The following ESS2 variants were observed in gnomAD, a reference collection of about 807,000 sequenced individuals.
ESS2 encodes ess-2 spliceosome associated protein, also known as splicing factor ESS-2 homolog.
ESS2 carries 31 observed loss-of-function variants against 52.0 expected under a neutral mutation model. That is an observed-to-expected ratio of 0.60 (90% confidence interval 0.45 to 0.81). The LOEUF (loss-of-function observed/expected upper bound fraction) is 0.81, where lower values mean the gene tolerates loss of function less well. ESS2 is among the 30% of genes least tolerant of loss of function. ESS2 has a pLI of 0.00. For missense variants in ESS2, 602 were observed against 637.2 expected (o/e 0.94, Z 0.59); for synonymous variants, 285 against 259.2 (o/e 1.10, Z -0.95).
At position 19,134,366 on chromosome 22, in the gene ESS2, A is replaced by G; in HGVS notation, c.1261T>C (p.Ser421Pro). The change falls in exon 10 of 10, where the codon TCC becomes CCC. Residue 421 changes from serine to proline, a missense_variant. Transcript: ENST00000252137. Reference protein sequence around the residue: ...DRALRASYTPSPARSTHLKTP... With the variant: ...DRALRASYTPPPARSTHLKTP... ...TTGAGGTGGGTGGAGCGTGCTGGGG[A>G]TGGTGTGTAGCTGGCCCGCAGGGCC... is the stretch of plus-strand genomic sequence containing the variant. 6.2e-7 allele frequency: 1 copy of G among 1,611,476 alleles called. No homozygotes were observed. Among genetic ancestry groups the G allele is most frequent in the Non-Finnish European group, 8.5e-7 (1 of 1,179,112 alleles).
In ESS2 at chr22:19,130,503, C is replaced by A; in HGVS notation, c.*3693G>T. On this transcript the variant is annotated 3_prime_UTR_variant, in exon 10 of 10. Coordinates refer to ENST00000252137, the MANE Select transcript of ESS2 (RefSeq NM_022719.3). ...CTTGCTAAGTCCGATTAAAAGGGGC[C>A]CAGTGCCTTCAAGGCCTGTCTACTG... The A allele has an allele frequency of 2.8e-6, 1 of 351,364 alleles. No homozygotes were observed. The highest frequency in any genetic ancestry group is 5.4e-6 in the Non-Finnish European group (1 of 186,150). 21.8% of individuals were successfully genotyped at this position (351,364 alleles called of 1,614,324 possible).
chr22:19,142,761 G>A lies in ESS2; in HGVS notation c.269C>T (p.Ala90Val). 6.2e-7 allele frequency: 1 copy of A among 1,614,146 alleles called. No individual in the cohort carries two copies. The highest frequency in any genetic ancestry group is 8.5e-7 in the Non-Finnish European group (1 of 1,180,028). The change falls in exon 2 of 10, where the codon GCC (alanine) becomes GTC (valine). Residue 90 changes from alanine to valine, a missense_variant. By Grantham distance (64) the Ala-to-Val change is moderately conservative. Coordinates refer to ENST00000252137, the MANE Select transcript of ESS2 (RefSeq NM_022719.3). ...GGGCTCCCGGGACATCTTGCCCAAG[G>A]CAGAGCCAAACTTGATGGCAATCTG... ...MRQIAIKFGSALGKMSREPPP... is the reference protein window; with the variant it reads ...MRQIAIKFGSVLGKMSREPPP...
chr22:19,140,432 G>A (rs2083665738), intron 3 of ESS2, among the ~76,000 whole-genome samples: 1 of 152,138 alleles, frequency 6.6e-6, no homozygotes, highest in East Asian at 1.9e-4. Context: ...CACTCCCTAG[G>A]ATTTCCTTAC....
rs1019543617 is a variant in ESS2 at position 19,130,603 on chromosome 22, G to T, written c.*3593C>A. 2.5e-6 allele frequency: 1 copy of T among 395,216 alleles called. No individual in the cohort carries two copies. The highest frequency in any genetic ancestry group is 2.0e-5 in the South Asian group (1 of 48,892). 24.5% of individuals were successfully genotyped at this position (395,216 alleles called of 1,614,324 possible). On this transcript the variant is annotated 3_prime_UTR_variant, in exon 10 of 10. Coordinates refer to ENST00000252137, the MANE Select transcript of ESS2 (RefSeq NM_022719.3). ...GAGAGCTGCCTTAGACTATCCAATT[G>T]ATCTATTCAAACAGCTGCCTGTTCC...
Position 19,142,600 on chromosome 22 carries a change from ACCT to A in ESS2, c.335_337del (p.Glu112del). ...GCCCACCACTCCAGTGCCTGCATGC[ACCT>A]CAGGGGTTTCAAATGTGGCTGGAGT... On this transcript the variant is annotated inframe_deletion, in exon 3 of 10. Transcript: ENST00000252137. The A allele has an allele frequency of 6.2e-7, 1 of 1,613,572 alleles. No individual in the cohort carries two copies. Among genetic ancestry groups the A allele is most frequent in the Non-Finnish European group, 8.5e-7 (1 of 1,179,804 alleles).
rs764514103 is a variant in ESS2 at position 19,132,218 on chromosome 22, GC to G, written c.*1977del. The G allele has an allele frequency of 1.9e-6, 3 of 1,612,238 alleles. No homozygotes were observed. The East Asian group carries it at 6.7e-5, about 36-fold the overall frequency. On this transcript the variant is annotated 3_prime_UTR_variant, in exon 10 of 10. Coordinates refer to ENST00000252137, the MANE Select transcript of ESS2 (RefSeq NM_022719.3). This position sits in a 1 kb window ranked among gnomAD's most constrained non-coding sequence, Gnocchi z 4.2. ...AGATCCTCAGCCACTCGTGGCTGCA[GC>G]CCCCCAAGCCCAAAGCCACGTCTTC... is the stretch of plus-strand genomic sequence containing the variant.
intron 3 of ESS2, among the ~76,000 whole-genome samples, 190 bp from the exon 4 acceptor site, chr22:19,140,214 C>T (rs772611061): frequency 2.0e-5 from 3 of 152,202 alleles, no homozygotes; most frequent in Non-Finnish European, 4.4e-5. Flanking sequence ...ACCCTGACTG[C>T]CCAGAGAGCC....
chr22:19,133,816 C>G lies in ESS2; in HGVS notation c.*380G>C, dbSNP rs2083533646. 5.0e-6 allele frequency: 1 copy of G among 199,750 alleles called. No homozygotes were observed. Among genetic ancestry groups the G allele is most frequent in the Non-Finnish European group, 1.0e-5 (1 of 100,200 alleles). 12.4% of individuals were successfully genotyped at this position (199,750 alleles called of 1,614,324 possible). ...CCCGGTGCTCCCACAGCCGCCCCAC[C>G]TGCAGCTTCCTCACCTGGGGGGCCC... On this transcript the variant is annotated 3_prime_UTR_variant, in exon 10 of 10. Coordinates refer to ENST00000252137, the MANE Select transcript of ESS2 (RefSeq NM_022719.3).
chr22:19,143,046 A>C lies in ESS2; in HGVS notation c.136-152T>G, dbSNP rs949962758. The stretch of plus-strand genomic sequence containing the variant: ...ATGGTGAAACCCAGTCTCTACTAGA[A>C]ATACAAAAATTAGCCGGGCGTGGTG... On this transcript the variant is annotated intron_variant, in intron 1 of 9. Coordinates refer to ENST00000252137, the MANE Select transcript of ESS2 (RefSeq NM_022719.3). 50 of 743,436 alleles carry C rather than the reference A, an allele frequency of 6.7e-5. No individual in the cohort carries two copies. In the African/African-American group the frequency reaches 8.3e-4, roughly 12 times the overall value. The allele number at this position is 743,436 out of a possible 1,614,324, so 46.1% of individuals were successfully genotyped here. A position where few individuals can be genotyped will look rare whatever the true frequency, so the allele number is the denominator to read the frequency against.
Position 19,131,111 on chromosome 22 carries a change from A to T in ESS2, c.*3085T>A, listed in dbSNP as rs542071054. Reference sequence around the variant, plus strand: ...GCCACCAGAGTCCTGTCCTGGGGACAGGCTTCCTTCCAGCGGGCGGGGAGT... The same window carrying T: ...GCCACCAGAGTCCTGTCCTGGGGACTGGCTTCCTTCCAGCGGGCGGGGAGT... On this transcript the variant is annotated 3_prime_UTR_variant, in exon 10 of 10. Transcript: ENST00000252137. This position sits in a 1 kb window ranked among gnomAD's most constrained non-coding sequence, Gnocchi z 5.7. 2.5e-6 allele frequency: 1 copy of T among 393,554 alleles called. No homozygotes were observed. The highest frequency in any genetic ancestry group is 4.6e-6 in the Non-Finnish European group (1 of 216,198). The allele number at this position is 393,554 out of a possible 1,614,324, so 24.4% of individuals were successfully genotyped here.
Position 19,130,525 on chromosome 22 carries a change from A to C in ESS2, c.*3671T>G, listed in dbSNP as rs1202654320. 4.9e-6 allele frequency: 2 copies of C among 404,930 alleles called. No homozygotes were observed. The highest frequency in any genetic ancestry group is 1.5e-4 in the East Asian group (2 of 13,616). 25.1% of individuals were successfully genotyped at this position (404,930 alleles called of 1,614,324 possible). A position where few individuals can be genotyped will look rare whatever the true frequency, so the allele number is the denominator to read the frequency against. On this transcript the variant is annotated 3_prime_UTR_variant, in exon 10 of 10. Coordinates refer to ENST00000252137, the MANE Select transcript of ESS2 (RefSeq NM_022719.3). ...GGCCCAGTGCCTTCAAGGCCTGTCTACTGTGGTACCGGAGTGATTATTTCG... is the reference window on the plus strand; with the variant it reads ...GGCCCAGTGCCTTCAAGGCCTGTCTCCTGTGGTACCGGAGTGATTATTTCG...
chr22:19,141,626 C>T (rs1262872655), intron 3 of ESS2, among the ~76,000 whole-genome samples: 2 of 152,196 alleles, frequency 1.3e-5, no homozygotes, highest in Non-Finnish European at 1.5e-5. Flanking sequence ...GAAAGCAAAA[C>T]AAAGCTTCTG....
At chr22:19,140,137 CT>C (rs2083660597) in intron 3 of ESS2, 113 bp from the exon 4 acceptor site, 2 of 1,323,086 alleles carry the variant, frequency 1.5e-6, no homozygotes, top group South Asian at 2.6e-5. Context: ...ATCCTCTCCC[CT>C]GGTCCTGGCT....
chr22:19,140,792 G>A (rs1399354439), intron 3 of ESS2, among the ~76,000 whole-genome samples: 18 of 152,230 alleles, frequency 1.2e-4, no homozygotes, highest in African/African-American at 2.4e-5. Flanking sequence ...AGACCCACGG[G>A]ATGAGGACAG....
intron 1 of ESS2, chr22:19,144,227 G>C: frequency 8.3e-7 from 1 of 1,206,934 alleles, no homozygotes; most frequent in Non-Finnish European, 1.0e-6. Context: ...CTTCCAGTTT[G>C]TCAAACTCCT....
intron 9 of ESS2, 38 bp from the exon 10 acceptor site, chr22:19,134,513 T>G (rs977223782): frequency 1.3e-6 from 2 of 1,487,994 alleles, no homozygotes; most frequent in Admixed American, 4.6e-5. Flanking sequence ...CAGGGTTAGG[T>G]GGGCTGAGAG....
chr22:19,142,475 C>T (rs1475141201), intron 3 of ESS2, 63 bp downstream of exon 3: 1 of 1,478,706 alleles, frequency 6.8e-7, no homozygotes, highest in African/African-American at 1.4e-5. Flanking sequence ...CCCTCAGGGC[C>T]TCACAGGCTA....
At position 19,131,992 on chromosome 22, in the gene ESS2, A is replaced by T; in HGVS notation, c.*2204T>A. The T allele has an allele frequency of 6.2e-7, 1 of 1,614,172 alleles. No individual in the cohort carries two copies. ...ATCCCCTACCAGCCCAAGGTGTATG[A>T]CATCTGGAGCCTGGGCGTGATCCTG... On this transcript the variant is annotated 3_prime_UTR_variant, in exon 10 of 10. Transcript: ENST00000252137. This position sits in a 1 kb window ranked among gnomAD's most constrained non-coding sequence, Gnocchi z 5.7.
At position 19,139,741 on chromosome 22, in the gene ESS2, T is replaced by TG. The variant is rs35441066; in HGVS notation, c.571-13dup. 7 of 1,614,020 alleles carry TG rather than the reference T, an allele frequency of 4.3e-6. No homozygotes were observed. The Admixed American group carries it at 5.0e-5, about 12-fold the overall frequency. On this transcript the variant is annotated splice_polypyrimidine_tract_variant and intron_variant, in intron 4 of 9. Coordinates refer to ENST00000252137, the MANE Select transcript of ESS2 (RefSeq NM_022719.3). ...TTATCTTTCTGCCTCTGCAATCACA[T>TG]GGGGAAAAGTGATGGTCAGAGATGC...
Sources: gnomAD v4.1 joint callset for allele counts (sites outside exome capture counted in the v4.1 genomes callset) on GRCh38, gnomAD v4.1.1 for gene constraint, Gnocchi (gnomAD v3.1) non-coding constraint, MANE v1.5 for transcripts, NCBI Gene and HGNC (gene_info 2026-07-23, HGNC 2026-07-21) for gene names.